The following PTPRT variants were observed in gnomAD, a reference collection of about 807,000 sequenced individuals.
The protein encoded by PTPRT is receptor-type tyrosine-protein phosphatase T.
In PTPRT, 56 loss-of-function variants were observed where a neutral mutation model predicts 176.8. The ratio of observed to expected loss-of-function variants is 0.32; its 90% CI spans 0.26 to 0.40. PTPRT has a LOEUF of 0.40. Ranked by LOEUF, PTPRT falls within the 10% of genes least tolerant of loss-of-function variation. The pLI is 1.00. For synonymous variants in PTPRT, 783 were observed against 739.0 expected (o/e 1.06, Z -0.96); for missense variants, 1,540 against 1,908.2 (o/e 0.81, Z 3.60).
intron 2 of PTPRT, among the ~76,000 whole-genome samples, chr20:42,843,170 A>G (rs2078309085): frequency 6.6e-6 from 1 of 152,360 alleles, no homozygotes; most frequent in East Asian, 1.9e-4. Context: ...TGCCTGTCTG[A>G]GATAAATGTT....
intron 9 of PTPRT, among the ~76,000 whole-genome samples, chr20:42,447,531 T>G (rs1027009759): frequency 2.0e-5 from 3 of 152,196 alleles, no homozygotes. Flanking sequence ...ATTGCAATAC[T>G]TGAATCTTAG....
chr20:42,591,920 C>G (rs913759226), intron 7 of PTPRT, among the ~76,000 whole-genome samples: 1 of 148,952 alleles, frequency 6.7e-6, no homozygotes, highest in Non-Finnish European at 1.5e-5. Context: ...AAACTTCGTT[C>G]TTAGTCTCTG....
chr20:42,067,889 C>A (rs1453559843), downstream of PTPRT, among the ~76,000 whole-genome samples: 1 of 151,964 alleles, frequency 6.6e-6, no homozygotes. Flanking sequence ...AAACCTTAAA[C>A]GAAATTTTTT....
intron 9 of PTPRT, among the ~76,000 whole-genome samples, chr20:42,420,042 T>C (rs1280683774): frequency 6.6e-6 from 1 of 152,144 alleles, no homozygotes; most frequent in African/African-American, 2.4e-5. Context: ...TGCTGACACC[T>C]CGATTTTGAT....
At chr20:42,065,049 A>T in the PTPRT span, among the ~76,000 whole-genome samples, 1 of 152,230 alleles carries the variant, frequency 6.6e-6, no homozygotes, top group Non-Finnish European at 1.5e-5. Context: ...TCTCCCAGCC[A>T]ACAGCCAGCA....
chr20:43,140,621 G>A (rs916823736), intron 1 of PTPRT, among the ~76,000 whole-genome samples: 1 of 152,020 alleles, frequency 6.6e-6, no homozygotes, highest in Non-Finnish European at 1.5e-5. Context: ...CTAAATTGGA[G>A]CTCATCCTAT....
chr20:42,865,714 C>A (rs1428136190), intron 2 of PTPRT, among the ~76,000 whole-genome samples: 1 of 152,092 alleles, frequency 6.6e-6, no homozygotes. Context: ...CAAAGTACAG[C>A]AGGTAGAGGA....
At chr20:42,195,586 TG>T (rs143740568) in intron 16 of PTPRT, among the ~76,000 whole-genome samples, 2,223 of 152,296 alleles carry the variant, frequency 0.015, 46 homozygotes, top group African/African-American at 0.052. Context: ...AGCTGTAGCC[TG>T]AGGACGTCAG....
chr20:43,049,326 AACATACATACAT>A (rs3030299), intron 1 of PTPRT, among the ~76,000 whole-genome samples: 15 of 151,468 alleles, frequency 9.9e-5, no homozygotes, highest in Admixed American at 2.0e-4. Flanking sequence ...GGCCATGTAA[AACATACATACAT>A]ACATACATAC....
chr20:42,752,922 C>A (rs2076786131), intron 6 of PTPRT, among the ~76,000 whole-genome samples: 1 of 152,022 alleles, frequency 6.6e-6, no homozygotes, highest in Non-Finnish European at 1.5e-5. Flanking sequence ...GGGGTCCCTG[C>A]CTTTTATTTT....
intron 3 of PTPRT, among the ~76,000 whole-genome samples, chr20:42,784,288 T>C (rs1052205962): frequency 6.6e-6 from 1 of 152,228 alleles, no homozygotes; most frequent in Non-Finnish European, 1.5e-5. Context: ...TGTTTTAACC[T>C]AATCTTTTAT....
At chr20:42,949,166 C>T (rs1457173004) in intron 1 of PTPRT, among the ~76,000 whole-genome samples, 2 of 152,226 alleles carry the variant, frequency 1.3e-5, no homozygotes, top group African/African-American at 4.8e-5. Context: ...CTTTGCCTCC[C>T]TGGACATGCA....
At chr20:42,739,887 A>G (rs1459227936) in intron 6 of PTPRT, among the ~76,000 whole-genome samples, 1 of 152,138 alleles carries the variant, frequency 6.6e-6, no homozygotes, top group Non-Finnish European at 1.5e-5. Flanking sequence ...CCACCTATGC[A>G]TGTCCTATTT....
At chr20:43,057,939 A>T (rs1987307931) in intron 1 of PTPRT, among the ~76,000 whole-genome samples, 1 of 152,204 alleles carries the variant, frequency 6.6e-6, no homozygotes, top group Admixed American at 6.5e-5. Context: ...TGCCTAACCC[A>T]GTGCTTAGTA....
intron 11 of PTPRT, among the ~76,000 whole-genome samples, chr20:42,345,608 GTGTGTGTGTGTATA>G (rs1568794788): frequency 2.8e-5 from 4 of 141,202 alleles, no homozygotes; most frequent in Non-Finnish European, 4.7e-5. Context: ...GTGTGTGTGT[GTGTGTGTGTGTATA>G]TATATGTATG....
intron 7 of PTPRT, among the ~76,000 whole-genome samples, chr20:42,669,311 C>T (rs1225308815): frequency 6.6e-6 from 1 of 152,054 alleles, no homozygotes; most frequent in Non-Finnish European, 1.5e-5. Context: ...CATGAAAGTC[C>T]CCTCCTTCCC....
chr20:42,328,368 C>A (rs115531636), intron 11 of PTPRT, among the ~76,000 whole-genome samples: 2,261 of 152,188 alleles, frequency 0.015, 52 homozygotes, highest in African/African-American at 0.052. Flanking sequence ...ATTCCCATGT[C>A]ATAGAAACAA....
Position 42,530,775 on chromosome 20 carries a change from T to C in PTPRT, c.1154-58213A>G, listed in dbSNP as rs145158577. 4.6e-3 allele frequency among the ~76,000 whole-genome samples: 698 copies of C among 152,294 alleles called. 4 individuals are homozygous for C. Among genetic ancestry groups the C allele is most frequent in the African/African-American group, 0.016 (666 of 41,546 alleles). ...GCGGGGAGATTCAGGCATCCAGCTTTGCAGTACTTGTGCATCCAGGAGCCC... is the reference window on the plus strand; with the variant it reads ...GCGGGGAGATTCAGGCATCCAGCTTCGCAGTACTTGTGCATCCAGGAGCCC... On this transcript the variant is annotated intron_variant, in intron 7 of 30. Transcript: ENST00000373187.
At chr20:42,165,587 C>T (rs1989790478) in intron 16 of PTPRT, among the ~76,000 whole-genome samples, 1 of 152,234 alleles carries the variant, frequency 6.6e-6, no homozygotes, top group Admixed American at 6.5e-5. Flanking sequence ...CTTTCCACAA[C>T]AATGGAAGTG....
Sources: gnomAD v4.1 joint callset for allele counts (sites outside exome capture counted in the v4.1 genomes callset) on GRCh38, gnomAD v4.1.1 for gene constraint, MANE v1.5 for transcripts, NCBI Gene and HGNC (gene_info 2026-07-23, HGNC 2026-07-21) for gene names.